The following GNAO1 variants were observed in gnomAD, a reference collection of about 807,000 sequenced individuals.
GNAO1 encodes G protein subunit alpha o1.
For missense variants in GNAO1, 166 were observed against 478.7 expected (o/e 0.35, Z 6.10); for synonymous variants, 164 against 180.7 (o/e 0.91, Z 0.74).
intron 3 of GNAO1, among the ~76,000 whole-genome samples, chr16:56,296,155 C>A (rs1233199184): frequency 6.6e-6 from 1 of 152,292 alleles, no homozygotes; most frequent in Non-Finnish European, 1.5e-5. Flanking sequence ...TGGCTGATTG[C>A]CAGCCAAAAC....
chr16:56,336,325 G>T, intron 5 of GNAO1: 1 of 181,904 alleles, frequency 5.5e-6, no homozygotes, highest in Non-Finnish European at 1.2e-5. Flanking sequence ...GACATCTCCT[G>T]CCTGCCTCCC....
rs182688100 is a variant in GNAO1 at position 56,266,963 on chromosome 16, C to T, written c.162-8968C>T. On this transcript the variant is annotated intron_variant, in intron 2 of 8. Transcript: ENST00000262493. Reference sequence around the variant, plus strand: ...AGCCCTCCCAGTCCCCAGCCGCCACCGTGTCCACATCGTGTGCCCTCTGGA... The same window carrying T: ...AGCCCTCCCAGTCCCCAGCCGCCACTGTGTCCACATCGTGTGCCCTCTGGA... 1.6e-3 allele frequency among the ~76,000 whole-genome samples: 240 copies of T among 152,302 alleles called. 2 individuals carry two copies. The highest frequency in any genetic ancestry group is 0.013 in the Admixed American group (206 of 15,298).
At chr16:56,237,344 T>C (rs911355118) in intron 2 of GNAO1, among the ~76,000 whole-genome samples, 6 of 152,190 alleles carry the variant, frequency 3.9e-5, no homozygotes, top group Admixed American at 1.3e-4. Context: ...GTAAGATAGA[T>C]GTGATCTTAC....
intron 2 of GNAO1, chr16:56,270,291 T>C (rs1357449079): frequency 6.6e-6 from 1 of 152,268 alleles, no homozygotes; most frequent in Non-Finnish European, 1.5e-5. Context: ...ATGGTGCTTC[T>C]GGTTTGGTGG....
intron 6 of GNAO1, among the ~76,000 whole-genome samples, chr16:56,339,226 TC>T (rs2143671661): frequency 6.6e-6 from 1 of 152,328 alleles, no homozygotes; most frequent in South Asian, 2.1e-4. Context: ...ACAGATCTGG[TC>T]CAGGGTCTAG....
At chr16:56,201,035 A>T (rs749637293) in intron 2 of GNAO1, among the ~76,000 whole-genome samples, 4 of 152,182 alleles carry the variant, frequency 2.6e-5, no homozygotes, top group Non-Finnish European at 5.9e-5. Flanking sequence ...TGTGGGTAGC[A>T]TACACACAGT....
rs2037843638 is a variant in GNAO1 at position 56,344,576 on chromosome 16, C to CT, written c.724-6807dup. On this transcript the variant is annotated intron_variant, in intron 6 of 8. Coordinates refer to ENST00000262493, the MANE Select transcript of GNAO1 (RefSeq NM_020988.3). The stretch of plus-strand genomic sequence containing the variant: ...TTGCTCTCCCAGAGAACTCCCATCC[C>CT]TGACTCCTCCGAGTTCTGGAAATGC... The CT allele has an allele frequency of 3.0e-6, 3 of 986,110 alleles. No homozygotes were observed. The South Asian group carries it at 1.4e-4, about 46-fold the overall frequency. The allele number at this position is 986,110 out of a possible 1,614,324, so 61.1% of individuals were successfully genotyped here.
intron 3 of GNAO1, among the ~76,000 whole-genome samples, chr16:56,286,852 A>G (rs1246140072): frequency 2.0e-5 from 3 of 152,186 alleles, no homozygotes; most frequent in African/African-American, 7.2e-5. Context: ...GAGGAAAACC[A>G]GAAGCTCCTG....
chr16:56,337,618 G>C (rs1381448049), intron 6 of GNAO1, among the ~76,000 whole-genome samples: 1 of 152,254 alleles, frequency 6.6e-6, no homozygotes, highest in African/African-American at 2.4e-5. Flanking sequence ...TTCTGGCTCA[G>C]TTACTATTTT....
intron 6 of GNAO1, chr16:56,340,981 T>C (rs1417942273): frequency 1.2e-6 from 2 of 1,613,450 alleles, no homozygotes. Flanking sequence ...CTTTCCTGAA[T>C]ATACAGGTAG....
intron 2 of GNAO1, among the ~76,000 whole-genome samples, chr16:56,214,631 C>G (rs955172854): frequency 2.6e-5 from 4 of 152,210 alleles, no homozygotes; most frequent in Non-Finnish European, 5.9e-5. Flanking sequence ...GTGCTAACCT[C>G]AAGTCTGCCC....
At chr16:56,293,824 C>T (rs571381925) in intron 3 of GNAO1, among the ~76,000 whole-genome samples, 8 of 152,250 alleles carry the variant, frequency 5.3e-5, no homozygotes, top group African/African-American at 1.9e-4. Flanking sequence ...GATGCCCAGC[C>T]GCCTCACCGG....
At position 56,345,136 on chromosome 16, in the gene GNAO1, C is replaced by T. The variant is rs118130439; in HGVS notation, c.724-6248C>T. 3.3e-4 allele frequency: 324 copies of T among 985,778 alleles called. 4 individuals carry two copies. In the East Asian group the frequency reaches 0.022, roughly 68 times the overall value. 61.1% of individuals were successfully genotyped at this position (985,778 alleles called of 1,614,324 possible). A position where few individuals can be genotyped will look rare whatever the true frequency, so the allele number is the denominator to read the frequency against. Reference sequence around the variant, plus strand: ...GCGGAGATCCCTGAGCAGAAGGGGGCGGGGTAGCTTCTCCCGGTGACGGTG... The same window carrying T: ...GCGGAGATCCCTGAGCAGAAGGGGGTGGGGTAGCTTCTCCCGGTGACGGTG... On this transcript the variant is annotated intron_variant, in intron 6 of 8. Transcript: ENST00000262493.
At chr16:56,228,974 C>T (rs2036561155) in intron 2 of GNAO1, among the ~76,000 whole-genome samples, 1 of 152,196 alleles carries the variant, frequency 6.6e-6, no homozygotes, top group African/African-American at 2.4e-5. Flanking sequence ...CAAGGATTAT[C>T]TTTTGTTCTC....
chr16:56,281,880 T>G (rs1374552310), intron 3 of GNAO1, among the ~76,000 whole-genome samples: 1 of 152,244 alleles, frequency 6.6e-6, no homozygotes, highest in Non-Finnish European at 1.5e-5. Flanking sequence ...ATTAATATAG[T>G]TCATCATACA....
intron 3 of GNAO1, among the ~76,000 whole-genome samples, chr16:56,290,243 C>T (rs1393029131): frequency 1.3e-5 from 2 of 152,194 alleles, no homozygotes; most frequent in African/African-American, 4.8e-5. Flanking sequence ...TCCTGACTCT[C>T]AGACCCCTGG....
intron 1 of GNAO1, 28 bp from the exon 2 acceptor site, chr16:56,192,546 T>G (rs1441686260): frequency 6.8e-7 from 1 of 1,478,972 alleles, no homozygotes; most frequent in Admixed American, 1.8e-5. Context: ...CACTCACCAG[T>G]TTTTCCCCAC....
chr16:56,294,678 A>G (rs1398801025), intron 3 of GNAO1, among the ~76,000 whole-genome samples: 1 of 152,196 alleles, frequency 6.6e-6, no homozygotes, highest in Non-Finnish European at 1.5e-5. Flanking sequence ...TTAACTGCAT[A>G]AGAAACTTCC....
intron 2 of GNAO1, among the ~76,000 whole-genome samples, chr16:56,264,105 G>T (rs1166672007): frequency 6.6e-6 from 1 of 152,232 alleles, no homozygotes; most frequent in Non-Finnish European, 1.5e-5. Context: ...CCACCACCAA[G>T]GGGGAGCCCC....
Sources: allele counts gnomAD v4.1 joint callset (sites outside exome capture counted in the v4.1 genomes callset), GRCh38; gene constraint gnomAD v4.1.1; transcripts MANE v1.5; gene names NCBI Gene and HGNC (gene_info 2026-07-23, HGNC 2026-07-21).